The following ZNF804A variants were observed in gnomAD, a reference collection of about 807,000 sequenced individuals.
ZNF804A encodes the protein zinc finger protein 804A.
ZNF804A carries 2 observed loss-of-function variants against 16.5 expected under a neutral mutation model. The ratio of observed to expected loss-of-function variants is 0.12; its 90% CI spans 0.05 to 0.38. The LOEUF (loss-of-function observed/expected upper bound fraction) is 0.38, where lower values mean the gene tolerates loss of function less well. ZNF804A is among the 10% of genes least tolerant of loss of function. The probability of loss-of-function intolerance (pLI) is 0.99; values close to 1 mark genes in which losing one functional copy is unlikely to be tolerated. For synonymous variants in ZNF804A, 534 were observed against 489.6 expected, an observed-to-expected ratio of 1.09 and a Z score of -1.20; for missense variants, 1,473 against 1,390.7, an observed-to-expected ratio of 1.06 and a Z score of -0.94.
chr2:184,799,124 C>T (rs1694682855), intron 1 of ZNF804A, among the ~76,000 whole-genome samples: 1 of 152,024 alleles, frequency 6.6e-6, no homozygotes, highest in South Asian at 2.1e-4. Flanking sequence ...TGGTGTGTCT[C>T]CCAGGTCCTG....
chr2:184,831,090 A>G (rs1199890338), intron 1 of ZNF804A, among the ~76,000 whole-genome samples: 10 of 152,134 alleles, frequency 6.6e-5, no homozygotes, highest in Non-Finnish European at 2.9e-5. Context: ...CTACATTAAG[A>G]ATAAAAAGGC....
At chr2:184,724,107 C>T (rs989276375) in intron 1 of ZNF804A, among the ~76,000 whole-genome samples, 1 of 151,562 alleles carries the variant, frequency 6.6e-6, no homozygotes, top group African/African-American at 2.4e-5. Flanking sequence ...AATCTCCTAG[C>T]ACTCATATGT....
At chr2:184,812,921 A>G (rs1388756511) in intron 1 of ZNF804A, among the ~76,000 whole-genome samples, 1 of 152,156 alleles carries the variant, frequency 6.6e-6, no homozygotes, top group Non-Finnish European at 1.5e-5. Flanking sequence ...ATAACTCGTG[A>G]AAAACAAGGC....
At chr2:184,667,174 T>C (rs892886147) in intron 1 of ZNF804A, among the ~76,000 whole-genome samples, 1 of 151,964 alleles carries the variant, frequency 6.6e-6, no homozygotes, top group African/African-American at 2.4e-5. Context: ...AAATAAATGT[T>C]GCCTTTAAGA....
chr2:184,796,996 G>A (rs948159770), intron 1 of ZNF804A, among the ~76,000 whole-genome samples: 1 of 152,046 alleles, frequency 6.6e-6, no homozygotes, highest in African/African-American at 2.4e-5. Flanking sequence ...AAGAGTGCTT[G>A]ATATAACTTC....
At chr2:184,840,738 T>C (rs1695424669) in intron 1 of ZNF804A, among the ~76,000 whole-genome samples, 1 of 152,090 alleles carries the variant, frequency 6.6e-6, no homozygotes, top group Non-Finnish European at 1.5e-5. Flanking sequence ...AAAATTTATT[T>C]CTCTCAGTCA....
chr2:184,767,196 C>A (rs1270999337), intron 1 of ZNF804A, among the ~76,000 whole-genome samples: 2 of 152,048 alleles, frequency 1.3e-5, no homozygotes, highest in South Asian at 2.1e-4. Context: ...AACACACAAC[C>A]CAAATGTCCA....
chr2:184,935,742 A>G, intron 3 of ZNF804A, 41 bp from the exon 4 acceptor site: 1 of 1,500,560 alleles, frequency 6.7e-7, no homozygotes, highest in South Asian at 1.4e-5. Flanking sequence ...TTTTTTCTCA[A>G]AAGTGTGCTA....
intron 1 of ZNF804A, among the ~76,000 whole-genome samples, chr2:184,750,493 C>T (rs1420224714): frequency 2.6e-5 from 4 of 151,154 alleles, no homozygotes; most frequent in African/African-American, 7.3e-5. Flanking sequence ...TTGCACTAAT[C>T]GTTTTTTAAA....
At chr2:184,703,820 T>A (rs992507084) in intron 1 of ZNF804A, among the ~76,000 whole-genome samples, 1 of 151,996 alleles carries the variant, frequency 6.6e-6, no homozygotes, top group East Asian at 1.9e-4. Flanking sequence ...ACATTTAACT[T>A]ATAAAAAAAG....
At chr2:184,932,258 C>T (rs1246217302) in intron 2 of ZNF804A, among the ~76,000 whole-genome samples, 1 of 152,138 alleles carries the variant, frequency 6.6e-6, no homozygotes, top group Non-Finnish European at 1.5e-5. Context: ...CTACCCAGCA[C>T]CAATTTACCA....
chr2:184,752,197 G>A (rs564286037), intron 1 of ZNF804A, among the ~76,000 whole-genome samples: 27 of 151,492 alleles, frequency 1.8e-4, no homozygotes, highest in African/African-American at 6.5e-4. Context: ...CATTGCAGCA[G>A]TATTCACAAT....
intron 1 of ZNF804A, among the ~76,000 whole-genome samples, chr2:184,790,858 C>G: frequency 6.6e-6 from 1 of 152,172 alleles, no homozygotes; most frequent in East Asian, 1.9e-4. Context: ...CCACCTCGGC[C>G]TCCCAAAGTG....
intron 2 of ZNF804A, among the ~76,000 whole-genome samples, chr2:184,900,550 G>A (rs1396500935): frequency 5.9e-5 from 9 of 151,916 alleles, no homozygotes; most frequent in African/African-American, 9.7e-5. Context: ...TAAATAGTTC[G>A]AACAATTGCT....
rs914415094 is a variant in ZNF804A, at chr2:184,810,454, A to G, written c.112-55915A>G. Among the ~76,000 whole-genome samples, 12 of 146,816 alleles carry G rather than the reference A, an allele frequency of 8.2e-5. No homozygotes were observed. The South Asian group carries it at 2.7e-3, about 33-fold the overall frequency. ...TAGTTGATTTTTTCTTATTATAATT[A>G]CATTTCTGAAACATTTTTATGTTCT... On this transcript the variant is annotated intron_variant, in intron 1 of 3. Transcript: ENST00000302277.
At chr2:184,707,362 T>C (rs1237675349) in intron 1 of ZNF804A, among the ~76,000 whole-genome samples, 2 of 152,138 alleles carry the variant, frequency 1.3e-5, no homozygotes, top group Non-Finnish European at 2.9e-5. Context: ...TATTGTGTGA[T>C]GCTGAGGTTT....
At chr2:184,866,127 T>G (rs890370807) in intron 1 of ZNF804A, among the ~76,000 whole-genome samples, 4 of 152,220 alleles carry the variant, frequency 2.6e-5, no homozygotes, top group African/African-American at 9.6e-5. Flanking sequence ...TTTATTTCTA[T>G]CATTTGCATT....
intron 2 of ZNF804A, 66 bp downstream of exon 2, chr2:184,866,578 C>A: frequency 7.4e-7 from 1 of 1,346,660 alleles, no homozygotes; most frequent in Non-Finnish European, 1.0e-6. Flanking sequence ...ATTGTGTAGA[C>A]TCTATGAATA....
intron 1 of ZNF804A, among the ~76,000 whole-genome samples, chr2:184,823,675 C>T (rs1041849520): frequency 6.6e-6 from 1 of 152,158 alleles, no homozygotes; most frequent in African/African-American, 2.4e-5. Flanking sequence ...GGGAAACATG[C>T]TGTGTTTTCC....
Sources: gnomAD v4.1 joint callset for allele counts (sites outside exome capture counted in the v4.1 genomes callset) on GRCh38, gnomAD v4.1.1 for gene constraint, MANE v1.5 for transcripts, NCBI Gene and HGNC (gene_info 2026-07-23, HGNC 2026-07-21) for gene names.